Variants in RIMS2 observed in about 807,000 individuals in gnomAD.
The protein encoded by RIMS2 is regulating synaptic membrane exocytosis 2, also known as regulating synaptic membrane exocytosis protein 2.
RIMS2 carries 59 observed loss-of-function variants against 174.4 expected under a neutral mutation model. That is an observed-to-expected ratio of 0.34 (90% CI 0.27 to 0.42). The LOEUF (loss-of-function observed/expected upper bound fraction) is 0.42, where lower values mean the gene tolerates loss of function less well. Among genes scored for constraint, RIMS2 ranks in the 10% least tolerant of loss-of-function variants. The pLI, the probability that RIMS2 is intolerant of heterozygous loss-of-function variation, is 1.00. For missense variants in RIMS2, 1,620 were observed against 1,666.3 expected (o/e 0.97, Z 0.48); for synonymous variants, 606 against 572.5 (o/e 1.06, Z -0.84).
At chr8:103,926,902 G>C (rs532330628) in intron 10 of RIMS2, among the ~76,000 whole-genome samples, 1 of 151,612 alleles carries the variant, frequency 6.6e-6, no homozygotes, top group South Asian at 2.1e-4. Context: ...ATTTGATTCT[G>C]AGAGTTTGAT....
At chr8:104,096,748 G>A (rs2097769286) in intron 19 of RIMS2, among the ~76,000 whole-genome samples, 1 of 151,782 alleles carries the variant, frequency 6.6e-6, no homozygotes, top group Non-Finnish European at 1.5e-5. Context: ...TGCGCCCATA[G>A]TCCCAGCTAC....
intron 1 of RIMS2, among the ~76,000 whole-genome samples, chr8:103,645,762 G>A (rs915020908): frequency 2.6e-5 from 4 of 151,866 alleles, no homozygotes; most frequent in Non-Finnish European, 5.9e-5. Flanking sequence ...TTAATTTCCC[G>A]AATATTGTGA....
intron 19 of RIMS2, among the ~76,000 whole-genome samples, chr8:104,040,505 TATC>T (rs1207591031): frequency 4.0e-5 from 6 of 151,720 alleles, no homozygotes; most frequent in African/African-American, 1.2e-4. Flanking sequence ...TTCCAAAACA[TATC>T]ATGTCATATC....
At chr8:103,913,719 C>T (rs944821798) in intron 6 of RIMS2, among the ~76,000 whole-genome samples, 11 of 151,940 alleles carry the variant, frequency 7.2e-5, no homozygotes, top group African/African-American at 2.4e-4. Flanking sequence ...AGGGAGAGTA[C>T]GCATGTCACA....
chr8:103,585,728 G>T (rs547878362), intron 1 of RIMS2, among the ~76,000 whole-genome samples: 5 of 151,946 alleles, frequency 3.3e-5, no homozygotes, highest in African/African-American at 1.2e-4. Context: ...GGGCCTGTTG[G>T]GGGGTTGGGG....
intron 19 of RIMS2, among the ~76,000 whole-genome samples, chr8:104,214,981 C>A (rs1392631229): frequency 6.6e-6 from 1 of 151,912 alleles, no homozygotes; most frequent in East Asian, 1.9e-4. Flanking sequence ...TATTTAAAAT[C>A]TTGCAATTTG....
intron 1 of RIMS2, among the ~76,000 whole-genome samples, chr8:103,598,202 C>G (rs1284458927): frequency 2.6e-5 from 4 of 152,112 alleles, no homozygotes; most frequent in Non-Finnish European, 5.9e-5. Context: ...AATTCCATCA[C>G]AACTTTTGTA....
intron 15 of RIMS2, among the ~76,000 whole-genome samples, chr8:103,973,636 A>G (rs1348117448): frequency 1.3e-5 from 2 of 152,190 alleles, no homozygotes; most frequent in African/African-American, 4.8e-5. Flanking sequence ...GTAAAGACCC[A>G]CCAAGTACAT....
At chr8:103,812,136 T>C (rs2098691351) in intron 3 of RIMS2, among the ~76,000 whole-genome samples, 1 of 152,292 alleles carries the variant, frequency 6.6e-6, no homozygotes, top group Admixed American at 6.5e-5. Context: ...TTAAAACTTA[T>C]GAAAACTGAT....
intron 2 of RIMS2, among the ~76,000 whole-genome samples, chr8:103,746,255 A>G (rs2097811881): frequency 6.6e-6 from 1 of 152,098 alleles, no homozygotes; most frequent in Non-Finnish European, 1.5e-5. Flanking sequence ...TTGACCATAG[A>G]TGTATGGGTT....
intron 2 of RIMS2, among the ~76,000 whole-genome samples, chr8:103,738,231 A>G (rs76496694): frequency 6.6e-6 from 1 of 152,206 alleles, no homozygotes. Context: ...TCATCATTTT[A>G]TTAAGTTATT....
At chr8:104,175,072 A>C (rs2098871682) in intron 19 of RIMS2, among the ~76,000 whole-genome samples, 1 of 152,156 alleles carries the variant, frequency 6.6e-6, no homozygotes, top group Non-Finnish European at 1.5e-5. Context: ...GTATCTCCAA[A>C]ATCACCTCTA....
intron 1 of RIMS2, among the ~76,000 whole-genome samples, chr8:103,547,950 G>A (rs114456007): frequency 0.012 from 1,780 of 152,150 alleles, 37 homozygotes; most frequent in African/African-American, 0.042. Context: ...CACCTGCCAA[G>A]ATTGAACCAG....
intron 6 of RIMS2, among the ~76,000 whole-genome samples, chr8:103,913,546 G>C (rs971590791): frequency 6.6e-6 from 1 of 152,096 alleles, no homozygotes; most frequent in African/African-American, 2.4e-5. Context: ...CTGTGTATTA[G>C]GTCTTTCTTG....
intron 3 of RIMS2, chr8:103,768,248 C>T (rs1250220432): frequency 2.0e-5 from 10 of 488,564 alleles, no homozygotes; most frequent in East Asian, 4.0e-5. Context: ...GGCTCTTTTT[C>T]GTGGTGCCTT....
At chr8:103,779,329 G>A (rs1048577281) in intron 3 of RIMS2, among the ~76,000 whole-genome samples, 1 of 152,038 alleles carries the variant, frequency 6.6e-6, no homozygotes, top group Non-Finnish European at 1.5e-5. Context: ...CCAGATCTAT[G>A]TCCTGGAACA....
chr8:104,171,514 A>ATC (rs925699661), intron 19 of RIMS2, among the ~76,000 whole-genome samples: 1 of 117,456 alleles, frequency 8.5e-6, no homozygotes, highest in Non-Finnish European at 1.8e-5. Context: ...ATATATATAT[A>ATC]TCTCTCTCTG....
chr8:103,510,636 A>G (rs751753939), intron 1 of RIMS2, among the ~76,000 whole-genome samples: 1 of 152,076 alleles, frequency 6.6e-6, no homozygotes, highest in African/African-American at 2.4e-5. Context: ...ATCTCTGAAC[A>G]AGCAGTGGGG....
chr8:103,954,611 A>C (rs2086537919), intron 14 of RIMS2, among the ~76,000 whole-genome samples: 1 of 152,220 alleles, frequency 6.6e-6, no homozygotes, highest in Admixed American at 6.5e-5. Flanking sequence ...CAGTGTGTAG[A>C]GGGAAATTTA....
Sources: gnomAD v4.1 joint callset for allele counts (sites outside exome capture counted in the v4.1 genomes callset) on GRCh38, gnomAD v4.1.1 for gene constraint, MANE v1.5 for transcripts, NCBI Gene and HGNC (gene_info 2026-07-23, HGNC 2026-07-21) for gene names.